The following REPS2 variants were observed in gnomAD, a reference collection of about 807,000 sequenced individuals.
The protein encoded by REPS2 is ralBP1-associated Eps domain-containing protein 2.
REPS2 carries 23 observed loss-of-function variants against 53.6 expected under a neutral mutation model. The ratio of observed to expected loss-of-function variants is 0.43; its 90% confidence interval spans 0.31 to 0.61. The LOEUF is 0.61. REPS2 is among the 20% of genes least tolerant of loss of function. REPS2 has a pLI of 0.11. For synonymous variants in REPS2, 238 were observed against 218.6 expected (o/e 1.09, Z -0.78); for missense variants, 446 against 534.9 (o/e 0.83, Z 1.64).
intron 13 of REPS2, among the ~76,000 whole-genome samples, chrX:17,101,281 C>G (rs1423598882): frequency 2.7e-5 from 3 of 109,348 alleles, no homozygotes; most frequent in South Asian, 4.0e-4. Flanking sequence ...CCAGGATGGT[C>G]TCGATCTCCT....
At chrX:17,177,240 CT>C in the REPS2 span, among the ~76,000 whole-genome samples, 11 of 112,325 alleles carry the variant, frequency 9.8e-5, no homozygotes, top group African/African-American at 3.6e-4. Flanking sequence ...AATGAGCATT[CT>C]TTTGCTAGCT....
chrX:17,094,724 A>G (rs975063865), intron 13 of REPS2, among the ~76,000 whole-genome samples: 1 of 111,313 alleles, frequency 9.0e-6, no homozygotes. Flanking sequence ...CCATTATTTC[A>G]TCTTAGCAAA....
intron 11 of REPS2, among the ~76,000 whole-genome samples, chrX:17,072,268 C>T (rs1001305775): frequency 8.9e-6 from 1 of 112,563 alleles, no homozygotes; most frequent in Non-Finnish European, 1.9e-5. Flanking sequence ...TTCTAAAGTA[C>T]GTTCAGTTTT....
chrX:17,013,199 C>T (rs909786150), intron 2 of REPS2, among the ~76,000 whole-genome samples: 8 of 112,215 alleles, frequency 7.1e-5, no homozygotes, highest in Non-Finnish European at 7.5e-5. Flanking sequence ...CCTCTTCCAA[C>T]AACAACAAAC....
chrX:17,107,613 A>T (rs956669246), intron 14 of REPS2, among the ~76,000 whole-genome samples: 6 of 112,497 alleles, frequency 5.3e-5, no homozygotes, highest in Non-Finnish European at 7.5e-5. Context: ...CACCACTGTG[A>T]TATGAACATC....
intron 5 of REPS2, among the ~76,000 whole-genome samples, chrX:17,040,102 A>G (rs1449034528): frequency 2.7e-5 from 3 of 112,755 alleles, no homozygotes; most frequent in Non-Finnish European, 5.6e-5. Context: ...TATTTCCCTG[A>G]AGAAACAGAT....
intron 5 of REPS2, among the ~76,000 whole-genome samples, chrX:17,042,577 C>T (rs1323367182): frequency 9.0e-6 from 1 of 111,023 alleles, no homozygotes; most frequent in Non-Finnish European, 1.9e-5. Context: ...GCAGTGTTTC[C>T]ACATCTCTTG....
At chrX:17,039,759 A>AATT (rs1387160287) in intron 5 of REPS2, among the ~76,000 whole-genome samples, 1 of 112,158 alleles carries the variant, frequency 8.9e-6, no homozygotes, top group African/African-American at 3.2e-5. Flanking sequence ...GGTCTTGGTA[A>AATT]ATTACTTCCC....
intron 2 of REPS2, among the ~76,000 whole-genome samples, chrX:17,018,145 A>G (rs2061523030): frequency 9.0e-6 from 1 of 110,540 alleles, no homozygotes; most frequent in Non-Finnish European, 1.9e-5. Context: ...CACCTTACAA[A>G]ATGGAAACTC....
intron 1 of REPS2, among the ~76,000 whole-genome samples, chrX:16,965,248 G>A (rs1289721831): frequency 2.7e-4 from 27 of 101,055 alleles, no homozygotes; most frequent in African/African-American, 8.1e-4. Flanking sequence ...CGGACGGGGC[G>A]GCTGGCCGGG....
chrX:17,052,483 A>G, intron 7 of REPS2, 38 bp downstream of exon 7: 1 of 1,032,600 alleles, frequency 9.7e-7, no homozygotes, highest in Non-Finnish European at 1.3e-6. Flanking sequence ...TCATACCATC[A>G]TCCATAACTC....
chrX:17,072,757 G>C (rs2062325551), intron 11 of REPS2, among the ~76,000 whole-genome samples: 2 of 112,181 alleles, frequency 1.8e-5, no homozygotes, highest in Non-Finnish European at 3.8e-5. Flanking sequence ...TGTCCACCCA[G>C]CCCCAAGGCA....
chrX:17,130,286 A>C (rs2063274295), intron 14 of REPS2, among the ~76,000 whole-genome samples: 1 of 110,638 alleles, frequency 9.0e-6, no homozygotes, highest in South Asian at 3.9e-4. Flanking sequence ...GGTACTTCAA[A>C]CTCAATCTGC....
the REPS2 span, among the ~76,000 whole-genome samples, chrX:17,177,925 T>TA: frequency 9.0e-6 from 1 of 111,268 alleles, no homozygotes; most frequent in Non-Finnish European, 1.9e-5. Flanking sequence ...TCTACAGGCC[T>TA]AATCCTCCAG....
chrX:17,084,860 G>A (rs1292994553), intron 13 of REPS2, among the ~76,000 whole-genome samples: 1 of 111,794 alleles, frequency 8.9e-6, no homozygotes, highest in Admixed American at 9.4e-5. Context: ...TTTTGATGGT[G>A]TCCTTTGAAT....
At chrX:16,982,760 C>T (rs977984790) in intron 1 of REPS2, among the ~76,000 whole-genome samples, 8 of 112,108 alleles carry the variant, frequency 7.1e-5, no homozygotes, top group African/African-American at 2.6e-4. Context: ...CATCTCTTTT[C>T]CTTTCTGCCA....
intron 5 of REPS2, among the ~76,000 whole-genome samples, chrX:17,042,379 TG>T (rs763439634): frequency 2.7e-5 from 3 of 111,663 alleles, no homozygotes; most frequent in East Asian, 5.6e-4. Context: ...GGCTTCAAAA[TG>T]AGCCATTCTC....
chrX:17,061,296 A>T (rs746673679), intron 8 of REPS2, among the ~76,000 whole-genome samples: 28 of 112,016 alleles, frequency 2.5e-4, no homozygotes, highest in Non-Finnish European at 4.5e-4. Flanking sequence ...ACACGTAGGT[A>T]GGTAGGTAGG....
At chrX:16,973,613 A>G (rs2060921045) in intron 1 of REPS2, among the ~76,000 whole-genome samples, 1 of 111,871 alleles carries the variant, frequency 8.9e-6, no homozygotes, top group Admixed American at 9.5e-5. Context: ...GTTTTCTGCC[A>G]TGTTAATTCA....
Sources: allele counts gnomAD v4.1 joint callset (sites outside exome capture counted in the v4.1 genomes callset), GRCh38; gene constraint gnomAD v4.1.1; transcripts MANE v1.5; gene names NCBI Gene and HGNC (gene_info 2026-07-23, HGNC 2026-07-21).